GALP: variants seen among roughly 807,000 people sequenced by gnomAD.
The protein encoded by GALP is galanin-like peptide.
Under a neutral mutation model 15.2 loss-of-function variants are expected in GALP, and 12 were observed. The ratio of observed to expected loss-of-function variants is 0.79; its 90% CI spans 0.51 to 1.28. The LOEUF (loss-of-function observed/expected upper bound fraction) is 1.28. Among genes scored for constraint, GALP ranks in the 50% most tolerant of loss-of-function variants. GALP has a pLI of 0.00. For synonymous variants in GALP, 58 were observed against 55.1 expected, an observed-to-expected ratio of 1.05 and a Z score of -0.23; for missense variants, 161 against 145.6, an observed-to-expected ratio of 1.11 and a Z score of -0.55.
intron 1 of GALP, among the ~76,000 whole-genome samples, chr19:56,176,708 G>A (rs1291305076): frequency 1.4e-5 from 2 of 139,996 alleles, no homozygotes; most frequent in African/African-American, 2.7e-5. Flanking sequence ...GGAGTGAGGG[G>A]CTCCTGGGAG....
At chr19:56,176,530 G>A (rs1007804990) in intron 1 of GALP, among the ~76,000 whole-genome samples, 3 of 117,608 alleles carry the variant, frequency 2.6e-5, no homozygotes, top group Admixed American at 1.8e-4. Flanking sequence ...CCTAGGCCAG[G>A]AGGGCAGAGG....
intron 2 of GALP, 101 bp from the exon 3 acceptor site, chr19:56,180,485 C>T (rs2032544499): frequency 1.1e-6 from 1 of 942,958 alleles, no homozygotes; most frequent in East Asian, 2.4e-5. Context: ...GCTCCACAGG[C>T]CAGTGGGAAA....
chr19:56,178,531 A>G (rs1187847290), intron 2 of GALP, among the ~76,000 whole-genome samples: 1 of 150,090 alleles, frequency 6.7e-6, no homozygotes. Flanking sequence ...CAAAAAAAAA[A>G]AAAAAAAAAA....
At chr19:56,176,608 C>T (rs375604331) in intron 1 of GALP, among the ~76,000 whole-genome samples, 1 of 112,106 alleles carries the variant, frequency 8.9e-6, no homozygotes, top group Non-Finnish European at 1.8e-5. Context: ...GCCAGCTGCA[C>T]CGGGGTGAGA....
chr19:56,178,679 C>A (rs2032509739), intron 2 of GALP, among the ~76,000 whole-genome samples: 1 of 152,106 alleles, frequency 6.6e-6, no homozygotes, highest in South Asian at 2.1e-4. Context: ...CGGAATCCAT[C>A]CTATAGGGAT....
chr19:56,184,189 C>T (rs1215679556), intron 5 of GALP, among the ~76,000 whole-genome samples: 1 of 152,148 alleles, frequency 6.6e-6, no homozygotes, highest in Non-Finnish European at 1.5e-5. Context: ...CTCCTGATCT[C>T]AGGTGATCTG....
rs1377634078 is a variant in GALP at position 56,177,154 on chromosome 19, C to T, written c.46C>T (p.Leu16=). Residue 16 remains leucine, a synonymous_variant, in exon 2 of 6, where the codon CTG becomes TTG. Transcript: ENST00000357330. ...CCTGGTCCTCCTCCTCGTCCTCTTG[C>T]TGAGCCTGGCAGAGACTCCAGCATC... ...VPLVLLLVLL[L]SLAETPASAP... The T allele has an allele frequency of 1.2e-6, 2 of 1,613,710 alleles. No homozygotes were observed. Among genetic ancestry groups the T allele is most frequent in the East Asian group, 4.5e-5 (2 of 44,830 alleles).
At position 56,182,263 on chromosome 19, in the gene GALP, G is replaced by C. The variant is rs778728668; in HGVS notation, c.217+11G>C. 6 of 1,604,590 alleles carry C rather than the reference G, an allele frequency of 3.7e-6. No homozygotes were observed. In the South Asian group the frequency reaches 4.4e-5, roughly 12 times the overall value. ...TGTGGAAGGCCATCGGTGAGTGAGC[G>C]GGGAGTTAGACGTCTTCTCCTGCGT... On this transcript the variant is annotated intron_variant, in intron 4 of 5. Coordinates refer to ENST00000357330, the MANE Select transcript of GALP (RefSeq NM_033106.4).
rs1271740199 is a variant in GALP at position 56,177,101 on chromosome 19, T to C, written c.-8T>C. ...CCGCAGCTGTAGGCACCTGTCGTCC[T>C]GCCTTCGATGGCTCCTCCCTCCGTC... On this transcript the variant is annotated 5_prime_UTR_variant, in exon 2 of 6. Transcript: ENST00000357330. The C allele has an allele frequency of 3.7e-6, 6 of 1,611,428 alleles. No homozygotes were observed. Among genetic ancestry groups the C allele is most frequent in the Non-Finnish European group, 4.2e-6 (5 of 1,178,794 alleles).
chr19:56,183,741 G>A (rs906438011), intron 5 of GALP, among the ~76,000 whole-genome samples: 1 of 152,068 alleles, frequency 6.6e-6, no homozygotes, highest in Non-Finnish European at 1.5e-5. Context: ...GGGATTACAG[G>A]CACGCGCCAC....
rs529189064 is a variant in GALP, at chr19:56,179,183, C to G, written c.88-1403C>G. On this transcript the variant is annotated intron_variant, in intron 2 of 5. Coordinates refer to ENST00000357330, the MANE Select transcript of GALP (RefSeq NM_033106.4). ...CAGAGTGAGACGCGAGACTCCATCT[C>G]AAAATAAATAAATAAATAAATAAAG... Among the ~76,000 whole-genome samples, 144 of 150,040 alleles carry G rather than the reference C, an allele frequency of 9.6e-4. 1 individual carries two copies. Among genetic ancestry groups the G allele is most frequent in the African/African-American group, 3.5e-3 (137 of 39,560 alleles).
chr19:56,176,724 TG>T (rs1002576556), intron 1 of GALP, among the ~76,000 whole-genome samples: 1 of 139,238 alleles, frequency 7.2e-6, no homozygotes, highest in African/African-American at 2.7e-5. Flanking sequence ...GGGAGAGTGA[TG>T]GGGGGCTTGA....
intron 3 of GALP, 34 bp downstream of exon 3, chr19:56,180,668 GC>G: frequency 6.3e-7 from 1 of 1,585,244 alleles, no homozygotes; most frequent in Non-Finnish European, 8.7e-7. Context: ...TCCATCCCTG[GC>G]CCGAGTCTGC....
Position 56,183,675 on chromosome 19 carries a change from G to A in GALP, c.295+463G>A, listed in dbSNP as rs1190452700. ...TGCAATGGTGCGATCTTGGCTGACT[G>A]CAACCTCCACCTTCCGTGTTCAAGC... is the stretch of plus-strand genomic sequence containing the variant. On this transcript the variant is annotated intron_variant, in intron 5 of 5. Coordinates refer to ENST00000357330, the MANE Select transcript of GALP (RefSeq NM_033106.4). 2.6e-5 allele frequency among the ~76,000 whole-genome samples: 4 copies of A among 152,174 alleles called. No homozygotes were observed. The East Asian group carries it at 5.8e-4, about 22-fold the overall frequency.
intron 5 of GALP, among the ~76,000 whole-genome samples, chr19:56,183,436 A>C (rs759723558): frequency 6.6e-6 from 1 of 151,820 alleles, no homozygotes; most frequent in Non-Finnish European, 1.5e-5. Flanking sequence ...TGCGAATCCC[A>C]CCTCATGTTC....
At chr19:56,177,782 C>G (rs928074853) in intron 2 of GALP, among the ~76,000 whole-genome samples, 2 of 152,196 alleles carry the variant, frequency 1.3e-5, no homozygotes, top group African/African-American at 4.8e-5. Context: ...TGCCTAACCT[C>G]TCTGGTCTCT....
chr19:56,183,692 T>C (rs1386559995), intron 5 of GALP, among the ~76,000 whole-genome samples: 2 of 152,042 alleles, frequency 1.3e-5, no homozygotes, highest in African/African-American at 4.8e-5. Context: ...CCACCTTCCG[T>C]GTTCAAGCGA....
At chr19:56,185,101 G>C in intron 5 of GALP, 114 bp from the exon 6 acceptor site, 1 of 693,052 alleles carries the variant, frequency 1.4e-6, no homozygotes, top group South Asian at 1.6e-5. Context: ...AGGAGTTCAA[G>C]ACCAGCCTGG....
At chr19:56,183,405 C>T (rs1392008084) in intron 5 of GALP, among the ~76,000 whole-genome samples, 193 bp downstream of exon 5, 1 of 152,072 alleles carries the variant, frequency 6.6e-6, no homozygotes, top group Non-Finnish European at 1.5e-5. Context: ...TCGACTGCTC[C>T]CTTCACCTCG....
Sources: gnomAD v4.1 joint callset for allele counts (sites outside exome capture counted in the v4.1 genomes callset) on GRCh38, gnomAD v4.1.1 for gene constraint, MANE v1.5 for transcripts, NCBI Gene and HGNC (gene_info 2026-07-23, HGNC 2026-07-21) for gene names.